Variants in POLG2 observed in about 807,000 individuals in gnomAD.
POLG2 encodes DNA polymerase gamma 2, accessory subunit.
In POLG2, 50 loss-of-function variants were observed where a neutral mutation model predicts 56.5. The observed-to-expected ratio is 0.88, with a 90% CI of 0.71 to 1.12. The LOEUF (loss-of-function observed/expected upper bound fraction) is 1.12. Among genes scored for constraint, POLG2 ranks in the 50% most tolerant of loss-of-function variants. The pLI is 0.00. For synonymous variants in POLG2, 226 were observed against 222.6 expected (o/e 1.02, Z -0.14); for missense variants, 584 against 583.3 (o/e 1.00, Z -0.01).
intron 1 of POLG2, among the ~76,000 whole-genome samples, chr17:64,494,021 T>C (rs1416530701): frequency 6.6e-6 from 1 of 152,198 alleles, no homozygotes; most frequent in Non-Finnish European, 1.5e-5. Context: ...TATGGTGATA[T>C]TTTAGTTGTT....
chr17:64,491,643 G>GGTTA, intron 3 of POLG2: 1 of 1,438,800 alleles, frequency 7.0e-7, no homozygotes. Context: ...GTTTCAAAGA[G>GGTTA]GTTACTACTG....
chr17:64,494,899 C>T (rs1212740558), intron 1 of POLG2, among the ~76,000 whole-genome samples: 2 of 152,208 alleles, frequency 1.3e-5, no homozygotes, highest in African/African-American at 2.4e-5. Flanking sequence ...GGAGGCCGGG[C>T]GCAGTGGCTC....
At chr17:64,481,426 T>G (rs1265211810) in intron 6 of POLG2, 17 of 985,168 alleles carry the variant, frequency 1.7e-5, no homozygotes, top group Non-Finnish European at 2.0e-5. Context: ...CAGACAGAAA[T>G]GACGACTGCT....
At chr17:64,485,958 C>G in intron 4 of POLG2, 90 bp from the exon 5 acceptor site, 1 of 1,336,716 alleles carries the variant, frequency 7.5e-7, no homozygotes, top group Non-Finnish European at 1.1e-6. Flanking sequence ...TGTCACCTGG[C>G]CAGGCTGGAG....
rs1355755451 is a variant in POLG2, at chr17:64,496,866, C to T, written c.103G>A (p.Glu35Lys). The T allele has an allele frequency of 3.1e-6, 5 of 1,613,792 alleles. No homozygotes were observed. Among genetic ancestry groups the T allele is most frequent in the Admixed American group, 1.7e-5 (1 of 60,026 alleles). Residue 35 changes from glutamate to lysine, a missense_variant, in exon 1 of 8, where the codon GAA becomes AAA. Transcript: ENST00000539111. ...VDAGQPELLT[E>K]RSSPKGGHVK... is the part of the protein sequence containing the mutation. The stretch of plus-strand genomic sequence containing the variant: ...TGCCCTCCTTTGGGGCTACTCCTTT[C>T]CGTCAACAGCTCCGGCTGCCCCGCA...
At chr17:64,481,287 C>CT (rs2037851715) in intron 6 of POLG2, 1 of 985,424 alleles carries the variant, frequency 1.0e-6, no homozygotes. Flanking sequence ...TCTTCTCCTT[C>CT]TTTGAGCTCA....
In POLG2 at chr17:64,485,684, A is replaced by G. The variant is rs7223078; in HGVS notation, c.1110+44T>C. The G allele has an allele frequency of 0.13, 190,118 of 1,505,064 alleles. 26,602 individuals carry two copies. Among genetic ancestry groups the G allele is most frequent in the African/African-American group, 0.71 (51,268 of 72,032 alleles). The allele number at this position is 1,505,064 out of a possible 1,614,324, so 93.2% of individuals were successfully genotyped here. On this transcript the variant is annotated intron_variant, in intron 5 of 7. Transcript: ENST00000539111. ...ACTAACATTAAGAACAAACAAACCC[A>G]TATTTTTAGTTTCCCAAGTCTATCT... is the stretch of plus-strand genomic sequence containing the variant.
intron 5 of POLG2, among the ~76,000 whole-genome samples, chr17:64,483,419 G>A (rs1258279852): frequency 6.6e-6 from 1 of 151,926 alleles, no homozygotes; most frequent in Non-Finnish European, 1.5e-5. Context: ...GGCGGCTGAG[G>A]TGGGAAGAAT....
At position 64,492,966 on chromosome 17, in the gene POLG2, A is replaced by G; in HGVS notation, c.618T>C (p.Tyr206=). The G allele has an allele frequency of 6.2e-7, 1 of 1,614,074 alleles. No individual in the cohort carries two copies. Among genetic ancestry groups the G allele is most frequent in the Non-Finnish European group, 8.5e-7 (1 of 1,179,898 alleles). The change falls in exon 2 of 8, where the codon TAT becomes TAC. Residue 206 remains tyrosine (Y), a synonymous_variant. Transcript: ENST00000539111. ...CLDLVNKRLP[Y]GLAQIGVCFH... is the part of the protein sequence containing the mutation. ...AACACACTCCAATCTGAGCAAGGCC[A>G]TAAGGTAGCCTCTTGTTTACCAGAT...
At chr17:64,478,187 T>C (rs2037799305) in intron 7 of POLG2, among the ~76,000 whole-genome samples, 199 bp from the exon 8 acceptor site, 1 of 152,228 alleles carries the variant, frequency 6.6e-6, no homozygotes, top group Admixed American at 6.5e-5. Context: ...TCTAACTTAT[T>C]GCTAGAGCTG....
rs79547049 is a variant in POLG2 at position 64,496,186 on chromosome 17, C to T, written c.562+221G>A. Among the ~76,000 whole-genome samples, 5,800 of 152,240 alleles carry T rather than the reference C, an allele frequency of 0.038. 370 individuals are homozygous for T. The highest frequency in any genetic ancestry group is 0.13 in the African/African-American group (5,492 of 41,518). The stretch of plus-strand genomic sequence containing the variant: ...TGCCCCGTGAAATTGAGAGCGTTCC[C>T]AGGTCCTTCGGACAGATTGTTTAAG... On this transcript the variant is annotated intron_variant, in intron 1 of 7. Coordinates refer to ENST00000539111, the MANE Select transcript of POLG2 (RefSeq NM_007215.4).
chr17:64,486,020 G>A, intron 4 of POLG2, 152 bp from the exon 5 acceptor site: 1 of 706,172 alleles, frequency 1.4e-6, no homozygotes, highest in Non-Finnish European at 2.5e-6. Flanking sequence ...AGGTTCAAGT[G>A]ATTCTCCTGC....
chr17:64,491,592 A>T, intron 3 of POLG2: 1 of 1,549,124 alleles, frequency 6.5e-7, no homozygotes, highest in South Asian at 1.1e-5. Context: ...GCCAAGCTGG[A>T]TCTTGATGTG....
At chr17:64,479,771 A>G (rs2037827583) in intron 7 of POLG2, among the ~76,000 whole-genome samples, 1 of 152,222 alleles carries the variant, frequency 6.6e-6, no homozygotes, top group African/African-American at 2.4e-5. Context: ...GCAAGCTGAC[A>G]GCATTTGATG....
At position 64,496,985 on chromosome 17, in the gene POLG2, A is replaced by C; in HGVS notation, c.-17T>G. 6.3e-7 allele frequency: 1 copy of C among 1,597,940 alleles called. No individual in the cohort carries two copies. ...AGAGCGCATCTCTCTCCGAAGTTAA[A>C]GAGCACACTCTCCCATCACTCAACG... is the stretch of plus-strand genomic sequence containing the variant. On this transcript the variant is annotated 5_prime_UTR_variant, in exon 1 of 8. Transcript: ENST00000539111.
intron 4 of POLG2, among the ~76,000 whole-genome samples, chr17:64,489,203 T>C (rs2038012997): frequency 1.3e-5 from 2 of 151,508 alleles, no homozygotes; most frequent in African/African-American, 2.4e-5. Context: ...CTAGGACAAT[T>C]TGACCATCAA....
chr17:64,485,924 T>C lies in POLG2; in HGVS notation c.970-56A>G, dbSNP rs531477413. On this transcript the variant is annotated intron_variant, in intron 4 of 7. Transcript: ENST00000539111. The stretch of plus-strand genomic sequence containing the variant: ...TTTCACAGAACTTTTTTTGTTTGTT[T>C]GTTTTTGAGACGGAGTCTCACTCTG... 2.5e-6 allele frequency: 4 copies of C among 1,584,676 alleles called. No homozygotes were observed. The East Asian group carries it at 9.0e-5, about 35-fold the overall frequency.
At position 64,485,653 on chromosome 17, in the gene POLG2, G is replaced by A. The variant is rs183595768; in HGVS notation, c.1110+75C>T. 2.6e-4 allele frequency: 300 copies of A among 1,146,218 alleles called. 1 individual carries two copies. In the South Asian group the frequency reaches 3.0e-3, roughly 11 times the overall value. The allele number at this position is 1,146,218 out of a possible 1,614,324, so 71.0% of individuals were successfully genotyped here. A position where few individuals can be genotyped will look rare whatever the true frequency, so the allele number is the denominator to read the frequency against. Reference sequence around the variant, plus strand: ...TTATTTAGAGTTTATGTTAGAAACCGAGCACACTAACATTAAGAACAAACA... The same window carrying A: ...TTATTTAGAGTTTATGTTAGAAACCAAGCACACTAACATTAAGAACAAACA... On this transcript the variant is annotated intron_variant, in intron 5 of 7. Coordinates refer to ENST00000539111, the MANE Select transcript of POLG2 (RefSeq NM_007215.4).
At chr17:64,480,228 TCATAAA>T (rs1244688444) in intron 7 of POLG2, 55 bp downstream of exon 7, 6 of 581,188 alleles carry the variant, frequency 1.0e-5, no homozygotes, top group African/African-American at 1.9e-5. Context: ...TTTCTGTAAT[TCATAAA>T]CATAATCAAA....
Sources: allele counts gnomAD v4.1 joint callset (sites outside exome capture counted in the v4.1 genomes callset), GRCh38; gene constraint gnomAD v4.1.1; transcripts MANE v1.5; gene names NCBI Gene and HGNC (gene_info 2026-07-23, HGNC 2026-07-21).